Variants in MSRB3 observed in about 807,000 individuals in gnomAD.
MSRB3 encodes the protein methionine sulfoxide reductase B3.
A neutral mutation model predicts 21.0 loss-of-function variants in MSRB3; 13 were observed. That is an observed-to-expected ratio of 0.62 (90% CI 0.40 to 0.98). MSRB3 has a LOEUF of 0.98. Ranked by LOEUF, MSRB3 falls within the 50% of genes least tolerant of loss-of-function variation. The pLI, the probability that MSRB3 is intolerant of heterozygous loss-of-function variation, is 0.00. For synonymous variants in MSRB3, 87 were observed against 88.6 expected (o/e 0.98, Z 0.10); for missense variants, 199 against 230.3 (o/e 0.86, Z 0.88).
At chr12:65,280,458 T>C (rs182565862) in intron 1 of MSRB3, among the ~76,000 whole-genome samples, 4 of 152,346 alleles carry the variant, frequency 2.6e-5, no homozygotes, top group Admixed American at 2.6e-4. Context: ...AGTGATGTGT[T>C]GACTTACCTA....
Position 65,466,624 on chromosome 12 carries a change from C to T in MSRB3, c.*3302C>T, listed in dbSNP as rs1281641841. 2.6e-5 allele frequency: 4 copies of T among 152,176 alleles called. No individual in the cohort carries two copies. Among genetic ancestry groups the T allele is most frequent in the African/African-American group, 7.2e-5 (3 of 41,446 alleles). The allele number at this position is 152,176 out of a possible 1,614,324, so 9.4% of individuals were successfully genotyped here. ...CATTCCCATGTGTTTAAACTCTTCA[C>T]TTCTTAGATGCATTTAAATTCTTAA... is the stretch of plus-strand genomic sequence containing the variant. On this transcript the variant is annotated 3_prime_UTR_variant, in exon 7 of 7. Coordinates refer to ENST00000308259, the MANE Select transcript of MSRB3 (RefSeq NM_001031679.3).
At chr12:65,366,889 A>G (rs531650369) in intron 4 of MSRB3, among the ~76,000 whole-genome samples, 2 of 152,304 alleles carry the variant, frequency 1.3e-5, no homozygotes, top group African/African-American at 4.8e-5. Context: ...TTTGAGACAC[A>G]TGGGTACCCT....
intron 4 of MSRB3, among the ~76,000 whole-genome samples, chr12:65,355,170 G>T (rs1259906877): frequency 1.3e-5 from 2 of 151,792 alleles, no homozygotes; most frequent in African/African-American, 2.4e-5. Flanking sequence ...AATTGTGTTA[G>T]ATTTTTTTAG....
chr12:65,419,399 C>A lies in MSRB3; in HGVS notation c.293-34329C>A. The A allele has an allele frequency of 4.0e-6, 3 of 749,686 alleles. No individual in the cohort carries two copies. The East Asian group carries it at 7.4e-5, about 19-fold the overall frequency. The allele number at this position is 749,686 out of a possible 1,614,324, so 46.4% of individuals were successfully genotyped here. On this transcript the variant is annotated intron_variant, in intron 5 of 6. Transcript: ENST00000308259. ...TTCTTCTTCATTAAGAGCAGCTCCT[C>A]CTTGAGAGTCTCGATCTCTGTCTTC...
intron 2 of MSRB3, among the ~76,000 whole-genome samples, chr12:65,314,227 A>G (rs1374478915): frequency 6.6e-6 from 1 of 152,174 alleles, no homozygotes; most frequent in Non-Finnish European, 1.5e-5. Context: ...AGTCATTTAT[A>G]GTTTTATATG....
intron 5 of MSRB3, among the ~76,000 whole-genome samples, chr12:65,413,391 G>A (rs1880815392): frequency 6.6e-6 from 1 of 152,076 alleles, no homozygotes; most frequent in Non-Finnish European, 1.5e-5. Context: ...TGGTTGCCTG[G>A]CCTCCTATGA....
chr12:65,453,965 C>T lies in MSRB3; in HGVS notation c.390+140C>T, dbSNP rs574394183. The T allele has an allele frequency of 8.2e-6, 6 of 734,158 alleles. No individual in the cohort carries two copies. In the Admixed American group the frequency reaches 1.2e-4, roughly 15 times the overall value. The allele number at this position is 734,158 out of a possible 1,614,324, so 45.5% of individuals were successfully genotyped here. A position where few individuals can be genotyped will look rare whatever the true frequency, so the allele number is the denominator to read the frequency against. On this transcript the variant is annotated intron_variant, in intron 6 of 6. Coordinates refer to ENST00000308259, the MANE Select transcript of MSRB3 (RefSeq NM_001031679.3). ...AGTTTATATGAAGTCCGATGGATGC[C>T]TATGTTCAGGTGTTTAGCAAGTCTA...
chr12:65,314,428 TTAAA>T (rs961143371), intron 2 of MSRB3, among the ~76,000 whole-genome samples: 7 of 152,154 alleles, frequency 4.6e-5, no homozygotes, highest in African/African-American at 1.7e-4. Context: ...AAAATGTTGA[TTAAA>T]TGAGTACTCT....
At chr12:65,356,552 G>T (rs181902986) in intron 4 of MSRB3, among the ~76,000 whole-genome samples, 28 of 151,930 alleles carry the variant, frequency 1.8e-4, no homozygotes, top group African/African-American at 6.5e-4. Context: ...TGGGATTTTG[G>T]TGAGGGGACA....
intron 5 of MSRB3, among the ~76,000 whole-genome samples, chr12:65,383,604 T>C (rs914131089): frequency 1.1e-4 from 16 of 152,152 alleles, no homozygotes; most frequent in African/African-American, 3.9e-4. Context: ...TAAATGGATG[T>C]TTTTATCTAA....
intron 5 of MSRB3, among the ~76,000 whole-genome samples, chr12:65,428,804 C>T (rs997267431): frequency 6.6e-6 from 1 of 152,144 alleles, no homozygotes. Context: ...TTAGAAAACG[C>T]TAAACTAATT....
intron 1 of MSRB3, among the ~76,000 whole-genome samples, chr12:65,292,865 A>G (rs1872739687): frequency 6.6e-6 from 1 of 152,060 alleles, no homozygotes; most frequent in Non-Finnish European, 1.5e-5. Context: ...TACTGGGGGC[A>G]TTGCCTGGAA....
intron 6 of MSRB3, among the ~76,000 whole-genome samples, chr12:65,454,602 G>A (rs1219330412): frequency 6.6e-6 from 1 of 152,176 alleles, no homozygotes; most frequent in African/African-American, 2.4e-5. Flanking sequence ...GTGTGAGGAA[G>A]GTGGTTGAAG....
intron 1 of MSRB3, among the ~76,000 whole-genome samples, chr12:65,297,958 G>A (rs533451392): frequency 6.6e-6 from 1 of 152,136 alleles, no homozygotes; most frequent in East Asian, 1.9e-4. Flanking sequence ...GGAATTGGTG[G>A]TGACTCCAAG....
At chr12:65,363,847 G>T (rs1877848762) in intron 4 of MSRB3, among the ~76,000 whole-genome samples, 1 of 152,082 alleles carries the variant, frequency 6.6e-6, no homozygotes, top group Admixed American at 6.6e-5. Context: ...TTAGCTGGGT[G>T]TGATGGCACA....
chr12:65,292,359 A>G (rs1243412317), intron 1 of MSRB3, among the ~76,000 whole-genome samples: 1 of 152,220 alleles, frequency 6.6e-6, no homozygotes, highest in Admixed American at 6.5e-5. Context: ...TAATCATGAA[A>G]TGGGAGGATA....
At chr12:65,327,249 G>A (rs1875108209) in intron 3 of MSRB3, among the ~76,000 whole-genome samples, 1 of 152,218 alleles carries the variant, frequency 6.6e-6, no homozygotes, top group African/African-American at 2.4e-5. Context: ...AGACATCACA[G>A]TAAGCAAAAC....
intron 1 of MSRB3, among the ~76,000 whole-genome samples, chr12:65,299,888 A>G (rs1025820113): frequency 6.6e-6 from 1 of 152,204 alleles, no homozygotes; most frequent in African/African-American, 2.4e-5. Flanking sequence ...GGTTGTCTCT[A>G]AAAGCTTATA....
intron 5 of MSRB3, among the ~76,000 whole-genome samples, chr12:65,425,421 T>A (rs1195235173): frequency 1.3e-5 from 2 of 152,142 alleles, no homozygotes; most frequent in Non-Finnish European, 2.9e-5. Flanking sequence ...TTTTGTAGAT[T>A]CATTTTTTCC....
Sources: gnomAD v4.1 joint callset for allele counts (sites outside exome capture counted in the v4.1 genomes callset) on GRCh38, gnomAD v4.1.1 for gene constraint, MANE v1.5 for transcripts, NCBI Gene and HGNC (gene_info 2026-07-23, HGNC 2026-07-21) for gene names.